DRC1: variants seen among roughly 807,000 people sequenced by gnomAD.
DRC1 encodes the protein dynein regulatory complex protein 1.
DRC1 carries 74 observed loss-of-function variants against 98.7 expected under a neutral mutation model. The observed-to-expected ratio is 0.75, with a 90% CI of 0.62 to 0.91. The LOEUF (loss-of-function observed/expected upper bound fraction) is 0.91, where lower values mean the gene tolerates loss of function less well. Among genes scored for constraint, DRC1 ranks in the 40% least tolerant of loss-of-function variants. The probability of loss-of-function intolerance (pLI) is 0.00; values close to 1 mark genes in which losing one functional copy is unlikely to be tolerated. For synonymous variants in DRC1, 336 were observed against 334.1 expected, an observed-to-expected ratio of 1.01 and a Z score of -0.06; for missense variants, 875 against 886.0, an observed-to-expected ratio of 0.99 and a Z score of 0.16.
intron 10 of DRC1, chr2:26,448,366 C>T (rs1230240179): frequency 7.5e-6 from 4 of 534,908 alleles, no homozygotes; most frequent in African/African-American, 3.8e-5. Context: ...AATAAATGGG[C>T]TCACACTCTC....
intron 5 of DRC1, chr2:26,430,402 C>T: frequency 2.4e-6 from 1 of 418,506 alleles, no homozygotes; most frequent in Admixed American, 2.7e-5. Flanking sequence ...GAGTTTCATG[C>T]TGCCTTTGCT....
intron 8 of DRC1, 69 bp from the exon 9 acceptor site, chr2:26,444,153 G>A (rs1663788577): frequency 6.2e-7 from 1 of 1,602,534 alleles, no homozygotes; most frequent in Non-Finnish European, 8.5e-7. Flanking sequence ...AGCTGAATCA[G>A]GTGGATGAGA....
intron 2 of DRC1, among the ~76,000 whole-genome samples, chr2:26,415,489 T>A (rs1435121446): frequency 1.3e-5 from 2 of 152,326 alleles, no homozygotes; most frequent in East Asian, 3.9e-4. Flanking sequence ...TATAGAGAGA[T>A]CACTGAATAT....
chr2:26,444,401 G>GTGA (rs1572380016), intron 9 of DRC1, 45 bp downstream of exon 9: 1 of 1,594,146 alleles, frequency 6.3e-7, no homozygotes, highest in Non-Finnish European at 8.5e-7. Context: ...TAGCATAGAG[G>GTGA]TGACGGGGAT....
At chr2:26,403,024 T>G (rs1280686014) in intron 1 of DRC1, among the ~76,000 whole-genome samples, 1 of 152,266 alleles carries the variant, frequency 6.6e-6, no homozygotes, top group Non-Finnish European at 1.5e-5. Flanking sequence ...TGGGCATGAC[T>G]GTGTTCCAAT....
At chr2:26,417,200 C>T (rs775188603) in intron 2 of DRC1, among the ~76,000 whole-genome samples, 2 of 152,210 alleles carry the variant, frequency 1.3e-5, no homozygotes, top group Non-Finnish European at 2.9e-5. Flanking sequence ...TATATCCAAA[C>T]TATATCACCA....
intron 7 of DRC1, 33 bp from the exon 8 acceptor site, chr2:26,440,345 G>GTGTGTA (rs1553342515): frequency 3.8e-5 from 50 of 1,322,620 alleles, no homozygotes; most frequent in East Asian, 2.2e-4. Context: ...GTGTGTGTGT[G>GTGTGTA]TATATATATA....
At chr2:26,450,458 G>C in intron 12 of DRC1, 134 bp from the exon 13 acceptor site, 4 of 737,860 alleles carry the variant, frequency 5.4e-6, no homozygotes, top group Non-Finnish European at 9.2e-6. Context: ...CAAGTTCACA[G>C]TCGCTTCCCA....
chr2:26,421,320 G>C lies in DRC1; in HGVS notation c.276G>C (p.Glu92Asp). 6.2e-7 allele frequency: 1 copy of C among 1,613,730 alleles called. No individual in the cohort carries two copies. The highest frequency in any genetic ancestry group is 8.5e-7 in the Non-Finnish European group (1 of 1,179,794). Residue 92 changes from glutamate (E) to aspartate (D), a missense_variant, in exon 3 of 17, where the codon GAG becomes GAC. By Grantham distance (45) the Glu-to-Asp change is conservative. Coordinates refer to ENST00000288710, the MANE Select transcript of DRC1 (RefSeq NM_145038.5). ...CTAAACTTCTGCTCTGTGGCACCGAGTTGGTGACAAATATCCAGGTGGCTA... is the reference window on the plus strand; with the variant it reads ...CTAAACTTCTGCTCTGTGGCACCGACTTGGTGACAAATATCCAGGTGGCTA... ...KLAKLLLCGT[E>D]LVTNIQVAID...
intron 2 of DRC1, among the ~76,000 whole-genome samples, chr2:26,418,089 G>A (rs1038659009): frequency 4.0e-5 from 6 of 151,868 alleles, no homozygotes; most frequent in Admixed American, 1.3e-4. Flanking sequence ...GATTTCCTGC[G>A]GATACATCCC....
At position 26,439,936 on chromosome 2, in the gene DRC1, T is replaced by TATATATATATATATATATATATATAC. The variant is rs548209014; in HGVS notation, c.889-441_889-440insTATATATATATATATATATATATACA. ...ACTAGTGTGTGAATATATATATATA[T>TATATATATATATATATATATATATAC]ACACACACACATACACACACACACA... On this transcript the variant is annotated intron_variant, in intron 7 of 16. Transcript: ENST00000288710. Among the ~76,000 whole-genome samples the TATATATATATATATATATATATATAC allele has an allele frequency of 9.1e-3, 683 of 75,256 alleles. 49 individuals carry two copies. Among genetic ancestry groups the TATATATATATATATATATATATATAC allele is most frequent in the Non-Finnish European group, 0.016 (498 of 31,060 alleles). 49.4% of individuals were successfully genotyped at this position (75,256 alleles called of 152,430 possible).
At chr2:26,456,279 A>C (rs968804409) in intron 16 of DRC1, among the ~76,000 whole-genome samples, 182 bp from the exon 17 acceptor site, 3 of 152,214 alleles carry the variant, frequency 2.0e-5, no homozygotes, top group African/African-American at 7.2e-5. Context: ...GAAGCTGAGC[A>C]AGAAGGCTCA....
chr2:26,446,661 C>A (rs554394677), intron 10 of DRC1, among the ~76,000 whole-genome samples: 4 of 152,134 alleles, frequency 2.6e-5, no homozygotes, highest in Non-Finnish European at 5.9e-5. Flanking sequence ...CCCCACAGCA[C>A]CACAGAACTG....
At chr2:26,450,233 T>C in intron 12 of DRC1, 148 bp downstream of exon 12, 2 of 715,092 alleles carry the variant, frequency 2.8e-6, no homozygotes, top group South Asian at 3.5e-5. Flanking sequence ...TAACCTACTC[T>C]CCACACAACA....
Position 26,453,462 on chromosome 2 carries a change from A to G in DRC1, c.1832A>G (p.Glu611Gly), listed in dbSNP as rs529718509. 1 of 1,614,100 alleles carries G rather than the reference A, an allele frequency of 6.2e-7. No individual in the cohort carries two copies. The highest frequency in any genetic ancestry group is 2.2e-5 in the East Asian group (1 of 44,886). ...GTGGAAGGGGAGAAGGAGGAAGAGGAGGAGACCCCACCCTCCCCCTGGGTC... is the reference window on the plus strand; with the variant it reads ...GTGGAAGGGGAGAAGGAGGAAGAGGGGGAGACCCCACCCTCCCCCTGGGTC... ...SLVEGEKEEE[E>G]ETPPSPWVIH... The change falls in exon 14 of 17, where the codon GAG becomes GGG. Residue 611 changes from glutamate (E) to glycine (G), a missense_variant. Physicochemically the swap from Glu to Gly is moderately conservative, Grantham distance 98. Transcript: ENST00000288710.
intron 7 of DRC1, 73 bp downstream of exon 7, chr2:26,432,079 T>G: frequency 1.9e-6 from 3 of 1,546,684 alleles, no homozygotes. Flanking sequence ...TGTTTCATAT[T>G]TAGCAACTAC....
intron 8 of DRC1, 84 bp downstream of exon 8, chr2:26,440,601 G>T (rs527794159): frequency 2.1e-6 from 3 of 1,419,602 alleles, no homozygotes; most frequent in Non-Finnish European, 2.8e-6. Context: ...TATTGAAGGG[G>T]TAGAAACCAT....
chr2:26,402,206 C>T, intron 1 of DRC1, 62 bp downstream of exon 1: 1 of 1,485,722 alleles, frequency 6.7e-7, no homozygotes, highest in Non-Finnish European at 8.9e-7. Flanking sequence ...GGCTGGTTTC[C>T]TGATGAAATA....
chr2:26,417,920 A>G (rs1447249806), intron 2 of DRC1, among the ~76,000 whole-genome samples: 2 of 152,062 alleles, frequency 1.3e-5, no homozygotes, highest in African/African-American at 4.8e-5. Flanking sequence ...TACGTCTATA[A>G]TCATATCATC....
Sources: gnomAD v4.1 joint callset for allele counts (sites outside exome capture counted in the v4.1 genomes callset) on GRCh38, gnomAD v4.1.1 for gene constraint, MANE v1.5 for transcripts, NCBI Gene and HGNC (gene_info 2026-07-23, HGNC 2026-07-21) for gene names.